Variants in ZMIZ1 observed in about 807,000 individuals in gnomAD.
ZMIZ1 encodes zinc finger MIZ domain-containing protein 1.
In ZMIZ1, 17 loss-of-function variants were observed where a neutral mutation model predicts 113.9. That is an observed-to-expected ratio of 0.15 (90% CI 0.10 to 0.22). ZMIZ1 has a LOEUF of 0.22. Ranked by LOEUF, ZMIZ1 falls within the 10% of genes least tolerant of loss-of-function variation. The pLI, the probability that ZMIZ1 is intolerant of heterozygous loss-of-function variation, is 1.00. For missense variants in ZMIZ1, 1,059 were observed against 1,477.8 expected, an observed-to-expected ratio of 0.72 and a Z score of 4.65; for synonymous variants, 607 against 603.1, an observed-to-expected ratio of 1.01 and a Z score of -0.09.
At chr10:79,266,570 T>A (rs1383745762) in intron 7 of ZMIZ1, among the ~76,000 whole-genome samples, 2 of 152,046 alleles carry the variant, frequency 1.3e-5, no homozygotes, top group Admixed American at 6.6e-5. Context: ...GGGTGCCCCA[T>A]CTTACAGAAG....
chr10:79,219,128 C>T (rs1328507869), intron 7 of ZMIZ1, among the ~76,000 whole-genome samples: 1 of 152,026 alleles, frequency 6.6e-6, no homozygotes, highest in Admixed American at 6.6e-5. Context: ...GTGGCTGGAT[C>T]AGGAAGACAA....
intron 4 of ZMIZ1, among the ~76,000 whole-genome samples, chr10:79,165,562 A>G (rs1846292656): frequency 6.6e-6 from 1 of 152,152 alleles, no homozygotes; most frequent in Non-Finnish European, 1.5e-5. Flanking sequence ...AGGAAAGGGG[A>G]GACCCCTCCC....
At chr10:79,099,855 C>A (rs1843300762) in intron 1 of ZMIZ1, among the ~76,000 whole-genome samples, 1 of 152,116 alleles carries the variant, frequency 6.6e-6, no homozygotes, top group Non-Finnish European at 1.5e-5. Context: ...TTTTTACCAC[C>A]TGGAGGTCCT....
In ZMIZ1 at chr10:79,304,163, C is replaced by T; in HGVS notation, c.2274C>T (p.Cys758=). Residue 758 remains cysteine (C), a synonymous_variant, in exon 19 of 25, where the codon TGC becomes TGT. Coordinates refer to ENST00000334512, the MANE Select transcript of ZMIZ1 (RefSeq NM_020338.4). ...RIQLPARGHD[C]KHVQCFDLES... ...AGCTGCCTGCTCGAGGACACGATTG[C>T]AAGCATGTGCAGGTGAGCGGCCCCA... The T allele has an allele frequency of 6.2e-7, 1 of 1,613,514 alleles. No homozygotes were observed. Among genetic ancestry groups the T allele is most frequent in the Non-Finnish European group, 8.5e-7 (1 of 1,179,544 alleles).
intron 1 of ZMIZ1, among the ~76,000 whole-genome samples, chr10:79,108,507 C>T (rs918366456): frequency 1.1e-4 from 17 of 152,094 alleles, no homozygotes; most frequent in African/African-American, 4.1e-4. Flanking sequence ...TTTGAGATCT[C>T]AGGCTGAGAG....
intron 4 of ZMIZ1, among the ~76,000 whole-genome samples, chr10:79,168,833 G>C (rs140941642): frequency 1.5e-3 from 229 of 152,288 alleles, no homozygotes; most frequent in African/African-American, 5.2e-3. Context: ...GTCCACCCTG[G>C]CTGCTGGGTG....
At chr10:79,268,350 T>C (rs750898455) in intron 7 of ZMIZ1, among the ~76,000 whole-genome samples, 5 of 152,160 alleles carry the variant, frequency 3.3e-5, no homozygotes, top group Non-Finnish European at 7.3e-5. Flanking sequence ...CTGGACACAT[T>C]CGTGATGAGA....
intron 23 of ZMIZ1, among the ~76,000 whole-genome samples, chr10:79,309,520 C>G (rs931118686): frequency 3.3e-5 from 5 of 152,174 alleles, no homozygotes; most frequent in Non-Finnish European, 7.3e-5. Flanking sequence ...AGCACCGTTG[C>G]GAGGTCGTCT....
chr10:79,298,338 G>T, intron 14 of ZMIZ1, 68 bp from the exon 15 acceptor site: 1 of 1,537,180 alleles, frequency 6.5e-7, no homozygotes, highest in Non-Finnish European at 8.8e-7. Flanking sequence ...TGCGGTGTAT[G>T]TCCATAGCCA....
At chr10:79,263,620 C>G (rs182534565) in intron 7 of ZMIZ1, among the ~76,000 whole-genome samples, 62 of 152,324 alleles carry the variant, frequency 4.1e-4, no homozygotes, top group African/African-American at 1.4e-3. Flanking sequence ...AGCCCATACT[C>G]TGGATTCATG....
At chr10:79,096,254 TAATACC>T (rs1843163523) in intron 1 of ZMIZ1, among the ~76,000 whole-genome samples, 1 of 152,136 alleles carries the variant, frequency 6.6e-6, no homozygotes, top group Non-Finnish European at 1.5e-5. Flanking sequence ...CTCACGCCTG[TAATACC>T]AGCACTTTGG....
At chr10:79,140,919 A>C (rs892563575) in intron 3 of ZMIZ1, among the ~76,000 whole-genome samples, 3 of 152,066 alleles carry the variant, frequency 2.0e-5, no homozygotes, top group Non-Finnish European at 4.4e-5. Flanking sequence ...TGTAGCTGGG[A>C]CTACAGGCAT....
At chr10:79,302,681 C>CTTTTTTTT (rs758621365) in intron 18 of ZMIZ1, among the ~76,000 whole-genome samples, 433 of 41,790 alleles carry the variant, frequency 0.01, 46 homozygotes, top group Non-Finnish European at 0.016. Context: ...ACAGCTCATG[C>CTTTTTTTT]TTTTTTTTTT....
At chr10:79,290,846 T>A (rs113743397) in intron 9 of ZMIZ1, 113 bp from the exon 10 acceptor site, 1 of 1,250,586 alleles carries the variant, frequency 8.0e-7, no homozygotes, top group Non-Finnish European at 1.2e-6. Context: ...TCCTCCTCCC[T>A]GTTGTCCTGC....
At chr10:79,185,206 A>G (rs1847302165) in intron 4 of ZMIZ1, among the ~76,000 whole-genome samples, 1 of 152,202 alleles carries the variant, frequency 6.6e-6, no homozygotes, top group African/African-American at 2.4e-5. Context: ...TTCCCAGGAA[A>G]GGAAACCACA....
rs1444943859 is a variant in ZMIZ1, at chr10:79,299,115, C to T, written c.1732C>T (p.Arg578Cys). The change falls in exon 16 of 25, where the codon CGC becomes TGC. Residue 578 changes from arginine to cysteine, a missense_variant. Arg to Cys is a radical substitution (Grantham distance 180, BLOSUM62 -3). Transcript: ENST00000334512. ...VRDGVVLEPF[R>C]LEHNLAVSNH... ...GGATGGCGTGGTGCTGGAGCCCTTC[C>T]GCCTGGAGCACAACCTGGCGGTCAG... is the stretch of plus-strand genomic sequence containing the variant. The T allele has an allele frequency of 1.9e-6, 3 of 1,612,450 alleles. No individual in the cohort carries two copies. Among genetic ancestry groups the T allele is most frequent in the Non-Finnish European group, 2.5e-6 (3 of 1,179,892 alleles).
At chr10:79,237,989 G>T (rs1380159816) in intron 7 of ZMIZ1, among the ~76,000 whole-genome samples, 2 of 152,222 alleles carry the variant, frequency 1.3e-5, no homozygotes, top group African/African-American at 2.4e-5. Context: ...AGTTAGCCAG[G>T]AGAGCATGGC....
At chr10:79,070,067 C>G (rs933517262) in intron 1 of ZMIZ1, among the ~76,000 whole-genome samples, 1 of 150,318 alleles carries the variant, frequency 6.7e-6, no homozygotes, top group Non-Finnish European at 1.5e-5. Context: ...TCTTCCTCTC[C>G]GTCTCCGGCG....
chr10:79,217,742 C>G (rs143202327), intron 7 of ZMIZ1, among the ~76,000 whole-genome samples: 235 of 152,302 alleles, frequency 1.5e-3, no homozygotes, highest in African/African-American at 5.4e-3. Flanking sequence ...GATGGCGCTG[C>G]ACACATAGAT....
Sources: allele counts gnomAD v4.1 joint callset (sites outside exome capture counted in the v4.1 genomes callset), GRCh38; gene constraint gnomAD v4.1.1; transcripts MANE v1.5; gene names NCBI Gene and HGNC (gene_info 2026-07-23, HGNC 2026-07-21).